Variants in NAA11 observed in about 807,000 individuals in gnomAD.
NAA11 encodes the protein N-alpha-acetyltransferase 11, NatA catalytic subunit.
NAA11 carries 15 observed loss-of-function variants against 16.1 expected under a neutral mutation model. The ratio of observed to expected loss-of-function variants is 0.93; its 90% CI spans 0.62 to 1.44. NAA11 has a LOEUF of 1.44. Among genes scored for constraint, NAA11 ranks in the 40% most tolerant of loss-of-function variants. The probability of loss-of-function intolerance (pLI) is 0.00; values close to 1 mark genes in which losing one functional copy is unlikely to be tolerated. For synonymous variants in NAA11, 122 were observed against 112.4 expected, an observed-to-expected ratio of 1.09 and a Z score of -0.54; for missense variants, 298 against 291.3, an observed-to-expected ratio of 1.02 and a Z score of -0.17.
At chr4:79,248,388 C>T (rs1721894215) in intron 2 of NAA11, among the ~76,000 whole-genome samples, 1 of 152,126 alleles carries the variant, frequency 6.6e-6, no homozygotes, top group Non-Finnish European at 1.5e-5. Flanking sequence ...CCTTCCTTCC[C>T]TTCCCCTACC....
chr4:79,231,661 A>T (rs553568777), intron 2 of NAA11, among the ~76,000 whole-genome samples: 9 of 151,902 alleles, frequency 5.9e-5, no homozygotes, highest in Non-Finnish European at 1.3e-4. Flanking sequence ...AAAAAGGGAC[A>T]ATTAGATAAT....
chr4:79,182,616 C>G, the NAA11 span, among the ~76,000 whole-genome samples: 1 of 152,082 alleles, frequency 6.6e-6, no homozygotes, highest in Non-Finnish European at 1.5e-5. Context: ...AAAGGTCAGG[C>G]TTTGAGTGAG....
At chr4:79,160,603 G>A in the NAA11 span, among the ~76,000 whole-genome samples, 1 of 152,146 alleles carries the variant, frequency 6.6e-6, no homozygotes, top group East Asian at 1.9e-4. Context: ...TTTCCATAAT[G>A]ACTAATGATT....
the NAA11 span, chr4:79,211,549 A>G: frequency 6.6e-6 from 1 of 152,192 alleles, no homozygotes; most frequent in Non-Finnish European, 1.5e-5. Flanking sequence ...ATGTATAGAT[A>G]TACATTCCTT....
chr4:79,301,281 T>G (rs1723373612), intron 1 of NAA11, among the ~76,000 whole-genome samples: 2 of 152,188 alleles, frequency 1.3e-5, no homozygotes, highest in African/African-American at 4.8e-5. Flanking sequence ...TATTTTTCTT[T>G]CCACTTGCTT....
intron 1 of NAA11, among the ~76,000 whole-genome samples, chr4:79,301,598 A>G (rs1723384637): frequency 1.3e-5 from 2 of 152,166 alleles, no homozygotes; most frequent in South Asian, 2.1e-4. Context: ...CCTCAGTTCA[A>G]GGTCTTTAAG....
At position 79,325,949 on chromosome 4, in the gene NAA11, C is replaced by A; in HGVS notation, c.-72G>T. On this transcript the variant is annotated 5_prime_UTR_variant, in exon 1 of 2. Transcript: ENST00000286794. ...AGGCTGTCGCCGACCTTAAGGGGCA[C>A]TGTTTGCCTCAGGAATCGAGTCCAG... is the stretch of plus-strand genomic sequence containing the variant. 1 of 1,377,530 alleles carries A rather than the reference C, an allele frequency of 7.3e-7. No individual in the cohort carries two copies. The highest frequency in any genetic ancestry group is 2.3e-5 in the Admixed American group (1 of 43,298). The allele number at this position is 1,377,530 out of a possible 1,614,324, so 85.3% of individuals were successfully genotyped here.
intron 2 of NAA11, among the ~76,000 whole-genome samples, chr4:79,265,623 C>T (rs1344796680): frequency 6.6e-6 from 1 of 152,180 alleles, no homozygotes; most frequent in Non-Finnish European, 1.5e-5. Flanking sequence ...GAAATTCTTT[C>T]TCCAGTTAAA....
At chr4:79,223,178 A>G (rs893289426), downstream of NAA11, among the ~76,000 whole-genome samples, 5 of 151,422 alleles carry the variant, frequency 3.3e-5, no homozygotes, top group African/African-American at 1.2e-4. Context: ...TCATGCTGCT[A>G]TAAAGACTCA....
the NAA11 span, among the ~76,000 whole-genome samples, chr4:79,208,925 C>CAGAAAA: frequency 1.9e-5 from 1 of 53,970 alleles, no homozygotes; most frequent in African/African-American, 5.8e-5. Context: ...ATATAACTGC[C>CAGAAAA]AAAAAAAAAA....
At chr4:79,190,003 T>A in the NAA11 span, among the ~76,000 whole-genome samples, 1 of 152,102 alleles carries the variant, frequency 6.6e-6, no homozygotes, top group African/African-American at 2.4e-5. Context: ...ATGCTATTAT[T>A]GACATTGGGT....
chr4:79,193,192 G>T, the NAA11 span, among the ~76,000 whole-genome samples: 1 of 152,008 alleles, frequency 6.6e-6, no homozygotes, highest in African/African-American at 2.4e-5. Context: ...CACTCTGATG[G>T]TAGTTTCTTT....
chr4:79,168,160 A>C, the NAA11 span, among the ~76,000 whole-genome samples: 1 of 152,038 alleles, frequency 6.6e-6, no homozygotes, highest in Non-Finnish European at 1.5e-5. Flanking sequence ...TGAGAATGAC[A>C]GTTTCCAGTT....
chr4:79,199,294 T>C, the NAA11 span, among the ~76,000 whole-genome samples: 2 of 151,822 alleles, frequency 1.3e-5, no homozygotes, highest in African/African-American at 2.4e-5. Context: ...ATAGCAAAAA[T>C]AGTCCAAGCA....
At chr4:79,291,424 G>A (rs1246886889) in intron 2 of NAA11, among the ~76,000 whole-genome samples, 2 of 151,996 alleles carry the variant, frequency 1.3e-5, no homozygotes, top group African/African-American at 4.8e-5. Flanking sequence ...GATGGTGCCT[G>A]TCTACTCCAG....
chr4:79,236,596 T>A (rs969789389), intron 2 of NAA11, among the ~76,000 whole-genome samples: 3 of 152,256 alleles, frequency 2.0e-5, no homozygotes, highest in East Asian at 1.9e-4. Flanking sequence ...TTGAAAAAAA[T>A]TTATGAGTTA....
At chr4:79,268,608 C>T (rs1448685353) in intron 2 of NAA11, among the ~76,000 whole-genome samples, 3 of 152,116 alleles carry the variant, frequency 2.0e-5, no homozygotes, top group African/African-American at 7.2e-5. Context: ...GACATCTTTA[C>T]TTTGAAGACT....
the NAA11 span, among the ~76,000 whole-genome samples, chr4:79,192,563 C>A: frequency 1.3e-5 from 2 of 151,866 alleles, no homozygotes; most frequent in East Asian, 1.9e-4. Context: ...TGAACTCATC[C>A]TTTTTATGGC....
the NAA11 span, among the ~76,000 whole-genome samples, chr4:79,203,619 T>C: frequency 1.7e-4 from 26 of 151,544 alleles, no homozygotes; most frequent in Admixed American, 1.7e-3. Context: ...TTCCCTGATT[T>C]TTTTTTTTTA....
Sources: allele counts gnomAD v4.1 joint callset (sites outside exome capture counted in the v4.1 genomes callset), GRCh38; gene constraint gnomAD v4.1.1; transcripts MANE v1.5; gene names NCBI Gene and HGNC (gene_info 2026-07-23, HGNC 2026-07-21).